Variants in LIPC observed in about 807,000 individuals in gnomAD.
The protein encoded by LIPC is hepatic triacylglycerol lipase.
In LIPC, 44 loss-of-function variants were observed where a neutral mutation model predicts 50.7. The observed-to-expected ratio is 0.87, with a 90% CI of 0.68 to 1.11. The LOEUF (loss-of-function observed/expected upper bound fraction) is 1.11. LIPC is among the 50% of genes most tolerant of loss of function. The pLI is 0.00. For missense variants in LIPC, 697 were observed against 648.2 expected (o/e 1.08, Z -0.82); for synonymous variants, 271 against 256.4 (o/e 1.06, Z -0.54).
chr15:58,455,647 C>A (rs1189075558), intron 1 of LIPC, among the ~76,000 whole-genome samples: 1 of 152,196 alleles, frequency 6.6e-6, no homozygotes, highest in East Asian at 1.9e-4. Flanking sequence ...CCAACCTACA[C>A]TTGTCATTTG....
At chr15:58,439,207 GA>G (rs1373351484) in intron 1 of LIPC, among the ~76,000 whole-genome samples, 1 of 152,130 alleles carries the variant, frequency 6.6e-6, no homozygotes, top group African/African-American at 2.4e-5. Flanking sequence ...ATGTGTTTGA[GA>G]AAAAATGCTG....
At chr15:58,510,029 G>A (rs1488532347) in intron 1 of LIPC, among the ~76,000 whole-genome samples, 2 of 151,842 alleles carry the variant, frequency 1.3e-5, no homozygotes, top group African/African-American at 4.8e-5. Flanking sequence ...ACTTTATCCA[G>A]TTCCACTGTT....
chr15:58,556,907 T>C (rs1893972868), intron 6 of LIPC, among the ~76,000 whole-genome samples: 1 of 152,236 alleles, frequency 6.6e-6, no homozygotes, highest in African/African-American at 2.4e-5. Context: ...AGAAATGAGA[T>C]AATTATATGA....
chr15:58,520,133 TA>T (rs386383136), intron 1 of LIPC, among the ~76,000 whole-genome samples: 4 of 150,624 alleles, frequency 2.7e-5, no homozygotes, highest in Admixed American at 1.3e-4. Context: ...GTTTTTTTTT[TA>T]ATCTGTTAAT....
chr15:58,536,896 C>G (rs1314478827), intron 1 of LIPC, among the ~76,000 whole-genome samples: 1 of 152,224 alleles, frequency 6.6e-6, no homozygotes, highest in Non-Finnish European at 1.5e-5. Context: ...CCTCCCCTTG[C>G]ACTTTGTAGG....
intron 1 of LIPC, among the ~76,000 whole-genome samples, chr15:58,529,184 T>G (rs1426112045): frequency 2.6e-5 from 4 of 152,118 alleles, no homozygotes; most frequent in African/African-American, 9.7e-5. Flanking sequence ...AAGAACACAA[T>G]GGGATTAATT....
intron 6 of LIPC, among the ~76,000 whole-genome samples, chr15:58,553,857 T>A (rs1387698053): frequency 6.6e-6 from 1 of 152,172 alleles, no homozygotes; most frequent in Non-Finnish European, 1.5e-5. Flanking sequence ...AACACCATCC[T>A]GGGCCCCTCA....
intron 1 of LIPC, among the ~76,000 whole-genome samples, chr15:58,466,593 C>A (rs764251359): frequency 1.3e-5 from 2 of 152,198 alleles, no homozygotes; most frequent in East Asian, 3.8e-4. Context: ...AAACAAGCTG[C>A]GAAGACCAAA....
At chr15:58,529,181 C>T (rs1191435686) in intron 1 of LIPC, among the ~76,000 whole-genome samples, 1 of 152,178 alleles carries the variant, frequency 6.6e-6, no homozygotes, top group Non-Finnish European at 1.5e-5. Context: ...AACAAGAACA[C>T]AATGGGATTA....
At chr15:58,443,187 C>T (rs1893563514) in intron 1 of LIPC, among the ~76,000 whole-genome samples, 2 of 152,184 alleles carry the variant, frequency 1.3e-5, no homozygotes, top group African/African-American at 4.8e-5. Flanking sequence ...GCTGGGATTA[C>T]AGGCCTGAAC....
intron 1 of LIPC, among the ~76,000 whole-genome samples, chr15:58,469,734 C>A (rs1283795375): frequency 6.6e-6 from 1 of 152,170 alleles, no homozygotes; most frequent in African/African-American, 2.4e-5. Flanking sequence ...AGTGAAGTGA[C>A]CCTACCCTCT....
At chr15:58,481,950 T>C (rs1240622956) in intron 1 of LIPC, among the ~76,000 whole-genome samples, 1 of 152,008 alleles carries the variant, frequency 6.6e-6, no homozygotes, top group Non-Finnish European at 1.5e-5. Context: ...TGTATGTGCC[T>C]ATCCTGTCTC....
intron 4 of LIPC, among the ~76,000 whole-genome samples, chr15:58,543,238 A>G (rs997114419): frequency 6.6e-6 from 1 of 151,980 alleles, no homozygotes; most frequent in Non-Finnish European, 1.5e-5. Flanking sequence ...CACCCTTCAC[A>G]CTGCCAGGCA....
chr15:58,448,331 C>G (rs1170117659), intron 1 of LIPC, among the ~76,000 whole-genome samples: 2 of 152,222 alleles, frequency 1.3e-5, no homozygotes, highest in Admixed American at 6.5e-5. Context: ...AGTGTTATGT[C>G]CCCATCAGGG....
In LIPC at chr15:58,554,264, A is replaced by G. The variant is rs57437914; in HGVS notation, c.1051+5692A>G. On this transcript the variant is annotated intron_variant, in intron 6 of 8. Transcript: ENST00000299022. Reference sequence around the variant, plus strand: ...CCGGAGGCCTCAGATTTCTGCTGTAAATGGAGTTTCCCTGATCACATTCGA... The same window carrying G: ...CCGGAGGCCTCAGATTTCTGCTGTAGATGGAGTTTCCCTGATCACATTCGA... Among the ~76,000 whole-genome samples, 1,437 of 152,208 alleles carry G rather than the reference A, an allele frequency of 9.4e-3. 32 individuals are homozygous for G. The highest frequency in any genetic ancestry group is 0.033 in the African/African-American group (1,357 of 41,518).
At chr15:58,537,479 G>T (rs1893167285) in intron 1 of LIPC, among the ~76,000 whole-genome samples, 1 of 151,612 alleles carries the variant, frequency 6.6e-6, no homozygotes, top group Admixed American at 6.6e-5. Context: ...ACTCTTTTCT[G>T]TTGCAAACTC....
At chr15:58,473,198 T>C (rs117151690) in intron 1 of LIPC, among the ~76,000 whole-genome samples, 2,521 of 152,200 alleles carry the variant, frequency 0.017, 25 homozygotes, top group Non-Finnish European at 0.023. Context: ...TTCCTATGTT[T>C]ATGCTGCCAG....
chr15:58,435,205 T>C (rs1189139351), intron 1 of LIPC: 1 of 152,220 alleles, frequency 6.6e-6, no homozygotes, highest in Non-Finnish European at 1.5e-5. Flanking sequence ...GTGACATTGT[T>C]TTACAAAGAA....
chr15:58,541,869 G>A lies in LIPC; in HGVS notation c.358G>A (p.Val120Met). The A allele has an allele frequency of 6.2e-7, 1 of 1,612,784 alleles. No homozygotes were observed. The highest frequency in any genetic ancestry group is 8.5e-7 in the Non-Finnish European group (1 of 1,179,992). The change falls in exon 3 of 9, where the codon GTG (valine) becomes ATG (methionine). Residue 120 changes from valine to methionine, a missense_variant. Transcript: ENST00000299022. The stretch of plus-strand genomic sequence containing the variant: ...GGCCCAGCCAGTGAACGTGGGGCTG[G>A]TGGACTGGATCACCCTGGCCCACGA... ...QPAQPVNVGL[V>M]DWITLAHDHY... is the part of the protein sequence containing the mutation.
Sources: gnomAD v4.1 joint callset for allele counts (sites outside exome capture counted in the v4.1 genomes callset) on GRCh38, gnomAD v4.1.1 for gene constraint, MANE v1.5 for transcripts, NCBI Gene and HGNC (gene_info 2026-07-23, HGNC 2026-07-21) for gene names.